B3GALT1: variants seen among roughly 807,000 people sequenced by gnomAD.
The protein encoded by B3GALT1 is beta-1,3-galactosyltransferase 1, also known as UDP-Gal:betaGlcNAc beta 1,3-galactosyltransferase, polypeptide 1.
Under a neutral mutation model 23.2 loss-of-function variants are expected in B3GALT1, and 10 were observed. The ratio of observed to expected loss-of-function variants is 0.43; its 90% confidence interval spans 0.27 to 0.73. B3GALT1 has a LOEUF of 0.73. B3GALT1 is among the 30% of genes least tolerant of loss of function. The probability of loss-of-function intolerance (pLI) is 0.21; values close to 1 mark genes in which losing one functional copy is unlikely to be tolerated. For missense variants in B3GALT1, 299 were observed against 405.4 expected (o/e 0.74, Z 2.25); for synonymous variants, 156 against 141.5 (o/e 1.10, Z -0.73).
intron 1 of B3GALT1, among the ~76,000 whole-genome samples, chr2:167,373,166 T>C (rs919782569): frequency 2.0e-5 from 3 of 151,916 alleles, no homozygotes; most frequent in African/African-American, 4.8e-5. Context: ...ATTGGATAAG[T>C]TTATGAGAAA....
At chr2:167,562,527 G>A (rs952951511) in intron 2 of B3GALT1, among the ~76,000 whole-genome samples, 2 of 152,074 alleles carry the variant, frequency 1.3e-5, no homozygotes, top group Non-Finnish European at 2.9e-5. Context: ...GTCCCTGTTT[G>A]CAGATGACAT....
chr2:167,571,041 A>G lies in B3GALT1; in HGVS notation c.-409-75868A>G, dbSNP rs573736362. On this transcript the variant is annotated intron_variant, in intron 2 of 4. Transcript: ENST00000392690. Reference sequence around the variant, plus strand: ...TATTTTGGAAACTGTTAAGTTACATAATTCTCATTCTGGTGAAAGGGAGAT... The same window carrying G: ...TATTTTGGAAACTGTTAAGTTACATGATTCTCATTCTGGTGAAAGGGAGAT... 2.6e-5 allele frequency among the ~76,000 whole-genome samples: 4 copies of G among 152,100 alleles called. No individual in the cohort carries two copies. In the East Asian group the frequency reaches 7.7e-4, roughly 29 times the overall value.
intron 1 of B3GALT1, among the ~76,000 whole-genome samples, chr2:167,439,469 C>A (rs1275337632): frequency 2.0e-5 from 3 of 151,976 alleles, no homozygotes; most frequent in African/African-American, 7.2e-5. Flanking sequence ...ATACTTTTCC[C>A]AGTCTGAGAA....
intron 1 of B3GALT1, among the ~76,000 whole-genome samples, chr2:167,452,064 C>T (rs1559101362): frequency 6.6e-6 from 1 of 152,110 alleles, no homozygotes; most frequent in Non-Finnish European, 1.5e-5. Flanking sequence ...TTCCGGGCAG[C>T]CAGTAAGCAG....
intron 2 of B3GALT1, among the ~76,000 whole-genome samples, chr2:167,496,630 T>C (rs1252123904): frequency 1.3e-5 from 2 of 152,184 alleles, no homozygotes; most frequent in East Asian, 3.8e-4. Context: ...GCATATTCTA[T>C]CAGGGTGTTA....
chr2:167,353,614 A>G (rs1697353974), intron 1 of B3GALT1, among the ~76,000 whole-genome samples: 1 of 152,216 alleles, frequency 6.6e-6, no homozygotes, highest in African/African-American at 2.4e-5. Flanking sequence ...AAGTATCATC[A>G]GGGATAATAC....
chr2:167,318,713 G>T (rs896517379), intron 1 of B3GALT1, among the ~76,000 whole-genome samples: 1 of 152,118 alleles, frequency 6.6e-6, no homozygotes, highest in African/African-American at 2.4e-5. Flanking sequence ...GGAGAGGAAA[G>T]AAATTTCTTC....
intron 1 of B3GALT1, among the ~76,000 whole-genome samples, chr2:167,433,799 G>A (rs983503073): frequency 5.3e-5 from 8 of 152,084 alleles, no homozygotes; most frequent in Admixed American, 2.0e-4. Flanking sequence ...GGTGGATCAC[G>A]CCTGTAATTA....
chr2:167,367,743 TAAAAAA>T (rs1007299836), intron 1 of B3GALT1, among the ~76,000 whole-genome samples: 1 of 151,728 alleles, frequency 6.6e-6, no homozygotes, highest in African/African-American at 2.4e-5. Flanking sequence ...CCTTGCCAAA[TAAAAAA>T]AAGAAAACAC....
chr2:167,649,705 A>T (rs1685825299), intron 3 of B3GALT1, among the ~76,000 whole-genome samples: 1 of 151,902 alleles, frequency 6.6e-6, no homozygotes. Flanking sequence ...TCTTAATTTG[A>T]TTTTTGATTG....
intron 3 of B3GALT1, among the ~76,000 whole-genome samples, chr2:167,684,450 A>G (rs1394739162): frequency 6.6e-6 from 1 of 152,170 alleles, no homozygotes; most frequent in Non-Finnish European, 1.5e-5. Flanking sequence ...TCCTGGCTCT[A>G]TTACTAATTA....
At chr2:167,778,912 G>C (rs560250624) in intron 3 of B3GALT1, among the ~76,000 whole-genome samples, 8 of 152,316 alleles carry the variant, frequency 5.3e-5, no homozygotes, top group Non-Finnish European at 1.0e-4. Context: ...GAAAGGTTAA[G>C]ATACATAGGA....
chr2:167,530,953 T>G (rs546095848), intron 2 of B3GALT1, among the ~76,000 whole-genome samples: 10 of 152,184 alleles, frequency 6.6e-5, no homozygotes, highest in Non-Finnish European at 1.2e-4. Context: ...CACTAATGCT[T>G]GTTGTATGTA....
rs556152327 is a variant in B3GALT1 at position 167,444,498 on chromosome 2, G to A, written c.-510-45679G>A. On this transcript the variant is annotated intron_variant, in intron 1 of 4. Transcript: ENST00000392690. ...TTTGGCTGTGAATCCATCTGGTCCT[G>A]GACTTTTTTTGGTTGGTAGACTATT... is the stretch of plus-strand genomic sequence containing the variant. 5.3e-5 allele frequency among the ~76,000 whole-genome samples: 8 copies of A among 152,226 alleles called. No homozygotes were observed. In the East Asian group the frequency reaches 1.4e-3, roughly 26 times the overall value.
intron 4 of B3GALT1, among the ~76,000 whole-genome samples, chr2:167,841,373 C>G (rs1449536279): frequency 6.6e-6 from 1 of 152,182 alleles, no homozygotes; most frequent in East Asian, 1.9e-4. Context: ...GACATTTAAT[C>G]ATTGTGACCA....
At position 167,610,921 on chromosome 2, in the gene B3GALT1, AAAAAAAG is replaced by A. The variant is rs1405788951; in HGVS notation, c.-409-35986_-409-35980del. On this transcript the variant is annotated intron_variant, in intron 2 of 4. Coordinates refer to ENST00000392690, the MANE Select transcript of B3GALT1 (RefSeq NM_020981.4). ...CTGGTTTATTTGTACAAAAAAAAAAAAAAAAAGAGAGAGAGAGAGAAAAGCCAAACAA... is the reference window on the plus strand; with the variant it reads ...CTGGTTTATTTGTACAAAAAAAAAAAAGAGAGAGAGAGAAAAGCCAAACAA... 1.4e-4 allele frequency among the ~76,000 whole-genome samples: 21 copies of A among 150,542 alleles called. 1 individual carries two copies. In the South Asian group the frequency reaches 3.3e-3, roughly 24 times the overall value.
chr2:167,345,593 A>T (rs1229655012), intron 1 of B3GALT1, among the ~76,000 whole-genome samples: 1 of 152,210 alleles, frequency 6.6e-6, no homozygotes, highest in Non-Finnish European at 1.5e-5. Flanking sequence ...TTTTGAAGGA[A>T]ATATTCCAGT....
chr2:167,816,501 T>C (rs1688994277), intron 3 of B3GALT1, among the ~76,000 whole-genome samples: 1 of 152,130 alleles, frequency 6.6e-6, no homozygotes. Flanking sequence ...ATGATGACTA[T>C]AATAATACCT....
intron 1 of B3GALT1, among the ~76,000 whole-genome samples, chr2:167,420,820 A>G (rs188608858): frequency 5.4e-4 from 82 of 152,326 alleles, no homozygotes; most frequent in Middle Eastern, 3.4e-3. Context: ...GTTAAGGTCT[A>G]CCTTCTAAAC....
Sources: gnomAD v4.1 joint callset for allele counts (sites outside exome capture counted in the v4.1 genomes callset) on GRCh38, gnomAD v4.1.1 for gene constraint, MANE v1.5 for transcripts, NCBI Gene and HGNC (gene_info 2026-07-23, HGNC 2026-07-21) for gene names.